Variants in NCOA7 observed in about 807,000 individuals in gnomAD.
The protein encoded by NCOA7 is 140 kDa estrogen receptor-associated protein.
In NCOA7, 45 loss-of-function variants were observed where a neutral mutation model predicts 104.3. That is an observed-to-expected ratio of 0.43 (90% confidence interval 0.34 to 0.55). NCOA7 has a LOEUF of 0.55. Among genes scored for constraint, NCOA7 ranks in the 20% least tolerant of loss-of-function variants. The probability of loss-of-function intolerance (pLI) is 0.02; values close to 1 mark genes in which losing one functional copy is unlikely to be tolerated. For missense variants in NCOA7, 1,041 were observed against 1,119.7 expected (o/e 0.93, Z 1.00); for synonymous variants, 398 against 402.3 (o/e 0.99, Z 0.13).
At chr6:125,922,939 T>G in intron 13 of NCOA7, 105 bp downstream of exon 13, 1 of 1,085,834 alleles carries the variant, frequency 9.2e-7, no homozygotes, top group African/African-American at 1.6e-5. Context: ...ATTCCACAGT[T>G]AACAGGATTT....
chr6:125,922,907 A>G, intron 13 of NCOA7, 73 bp downstream of exon 13: 3 of 1,352,954 alleles, frequency 2.2e-6, no homozygotes, highest in Non-Finnish European at 3.0e-6. Context: ...AGAGACTAGT[A>G]CCATATACTT....
At chr6:125,811,468 T>G (rs539378869) in intron 1 of NCOA7, among the ~76,000 whole-genome samples, 18 of 152,234 alleles carry the variant, frequency 1.2e-4, no homozygotes, top group African/African-American at 3.6e-4. Context: ...TGCAGTAAGT[T>G]ATAGGTGATA....
chr6:125,782,068 T>A (rs1583201794), intron 1 of NCOA7, among the ~76,000 whole-genome samples: 2 of 152,052 alleles, frequency 1.3e-5, no homozygotes, highest in East Asian at 3.8e-4. Flanking sequence ...CCTTAGTATT[T>A]AAAAAAAAGA....
intron 10 of NCOA7, among the ~76,000 whole-genome samples, chr6:125,891,018 A>G (rs980863064): frequency 6.6e-6 from 1 of 152,214 alleles, no homozygotes; most frequent in African/African-American, 2.4e-5. Context: ...CATAGGTACT[A>G]TGTCCTGAAC....
intron 1 of NCOA7, among the ~76,000 whole-genome samples, chr6:125,800,843 A>G (rs112245934): frequency 0.055 from 8,428 of 152,316 alleles, 763 homozygotes; most frequent in African/African-American, 0.19. Context: ...CCTGGCCAAC[A>G]TGGTGAAACC....
At chr6:125,884,785 C>T (rs545913094) in intron 7 of NCOA7, among the ~76,000 whole-genome samples, 6 of 152,250 alleles carry the variant, frequency 3.9e-5, no homozygotes, top group Admixed American at 3.9e-4. Context: ...ATTGTAAAGC[C>T]CTGTATTCTC....
chr6:125,833,727 T>C (rs944899390), intron 2 of NCOA7, among the ~76,000 whole-genome samples: 1 of 152,102 alleles, frequency 6.6e-6, no homozygotes, highest in Admixed American at 6.6e-5. Context: ...ATCAGCACGT[T>C]CCACAGGCCA....
At chr6:125,857,669 T>A (rs896924609) in intron 3 of NCOA7, among the ~76,000 whole-genome samples, 38 of 151,974 alleles carry the variant, frequency 2.5e-4, no homozygotes, top group Admixed American at 2.3e-3. Flanking sequence ...GAAGCAATTC[T>A]CCTGCCTCAG....
intron 5 of NCOA7, 143 bp downstream of exon 5, chr6:125,878,513 A>G: frequency 3.6e-6 from 2 of 562,450 alleles, no homozygotes; most frequent in Non-Finnish European, 5.8e-6. Context: ...CTTTATTTTT[A>G]TTTATTTATT....
chr6:125,818,591 GAC>G (rs1281899557), intron 2 of NCOA7, among the ~76,000 whole-genome samples: 1 of 151,950 alleles, frequency 6.6e-6, no homozygotes, highest in African/African-American at 2.4e-5. Context: ...GAGAGAAAGA[GAC>G]AGAGAGAGAA....
intron 7 of NCOA7, among the ~76,000 whole-genome samples, chr6:125,884,813 G>T (rs1041369695): frequency 6.6e-6 from 1 of 152,174 alleles, no homozygotes; most frequent in African/African-American, 2.4e-5. Flanking sequence ...TAAGCACTTG[G>T]GCAGCCCCTC....
intron 10 of NCOA7, among the ~76,000 whole-genome samples, chr6:125,903,570 A>G (rs6911752): frequency 0.039 from 5,903 of 152,202 alleles, 220 homozygotes; most frequent in Admixed American, 0.092. Flanking sequence ...AGATCTGCCT[A>G]CCATCTATAC....
At chr6:125,905,448 G>A (rs1483732482) in intron 10 of NCOA7, among the ~76,000 whole-genome samples, 1 of 152,058 alleles carries the variant, frequency 6.6e-6, no homozygotes, top group Admixed American at 6.5e-5. Flanking sequence ...TTTTAGAAGA[G>A]ATGGGGTTTC....
chr6:125,856,700 G>A (rs1781594237), intron 3 of NCOA7, among the ~76,000 whole-genome samples: 1 of 151,980 alleles, frequency 6.6e-6, no homozygotes, highest in South Asian at 2.1e-4. Context: ...AAGACATATG[G>A]CATGGCATAC....
chr6:125,830,878 G>A (rs990455460), intron 2 of NCOA7, among the ~76,000 whole-genome samples: 1 of 151,772 alleles, frequency 6.6e-6, no homozygotes, highest in South Asian at 2.1e-4. Context: ...GGGGAAAAGT[G>A]TTTTTCCATC....
chr6:125,909,354 C>T (rs1221867857), intron 10 of NCOA7, among the ~76,000 whole-genome samples: 1 of 152,206 alleles, frequency 6.6e-6, no homozygotes, highest in African/African-American at 2.4e-5. Flanking sequence ...AGGGAGGCTT[C>T]ATGAAGGCAG....
intron 2 of NCOA7, among the ~76,000 whole-genome samples, chr6:125,845,071 C>T (rs1583355467): frequency 6.6e-6 from 1 of 152,238 alleles, no homozygotes; most frequent in East Asian, 1.9e-4. Flanking sequence ...AAGTACAAGA[C>T]GATTCAAACA....
intron 1 of NCOA7, among the ~76,000 whole-genome samples, chr6:125,784,780 G>C (rs1774381086): frequency 6.6e-6 from 1 of 152,138 alleles, no homozygotes. Flanking sequence ...GAGGAAAAAA[G>C]CCAATCTAAA....
At chr6:125,867,606 T>G (rs1052976973) in intron 3 of NCOA7, among the ~76,000 whole-genome samples, 3 of 152,190 alleles carry the variant, frequency 2.0e-5, no homozygotes, top group Non-Finnish European at 4.4e-5. Flanking sequence ...TCCTGGAGTT[T>G]CCATTATGTT....
Sources: gnomAD v4.1 joint callset for allele counts (sites outside exome capture counted in the v4.1 genomes callset) on GRCh38, gnomAD v4.1.1 for gene constraint, MANE v1.5 for transcripts, NCBI Gene and HGNC (gene_info 2026-07-23, HGNC 2026-07-21) for gene names.